Variants in RAPGEF3 observed in about 807,000 individuals in gnomAD.
RAPGEF3 encodes Rap guanine nucleotide exchange factor 3.
In RAPGEF3, 103 loss-of-function variants were observed where a neutral mutation model predicts 129.8. The observed-to-expected ratio is 0.79, with a 90% CI of 0.68 to 0.93. RAPGEF3 has a LOEUF of 0.93. RAPGEF3 is among the 40% of genes least tolerant of loss of function. The probability of loss-of-function intolerance (pLI) is 0.00; values close to 1 mark genes in which losing one functional copy is unlikely to be tolerated. For missense variants in RAPGEF3, 1,117 were observed against 1,207.4 expected, an observed-to-expected ratio of 0.93 and a Z score of 1.11; for synonymous variants, 436 against 482.6, an observed-to-expected ratio of 0.90 and a Z score of 1.26.
In RAPGEF3 at chr12:47,736,344, T is replaced by C. The variant is rs895730748; in HGVS notation, c.*1223A>G. 1.3e-5 allele frequency: 2 copies of C among 152,214 alleles called. No homozygotes were observed. Among genetic ancestry groups the C allele is most frequent in the Non-Finnish European group, 2.9e-5 (2 of 68,050 alleles). The allele number at this position is 152,214 out of a possible 1,614,324, so 9.4% of individuals were successfully genotyped here. ...CCCAAGGCCCTGCAGCCTCAATACC[T>C]ACTCAGGAGTCATGCCAGGGGCCAT... On this transcript the variant is annotated 3_prime_UTR_variant, in exon 28 of 28. Coordinates refer to ENST00000449771, the MANE Select transcript of RAPGEF3 (RefSeq NM_001098531.4).
In RAPGEF3 at chr12:47,747,646, A is replaced by G; in HGVS notation, c.1474-20T>C. ...GAGTTTCTAAGAAGAGCCAAGATTC[A>G]CTGAGATGGCTGTAGCTGCATCCAC... On this transcript the variant is annotated intron_variant, in intron 14 of 27. Transcript: ENST00000449771. 1 of 1,613,448 alleles carries G rather than the reference A, an allele frequency of 6.2e-7. No homozygotes were observed. Among genetic ancestry groups the G allele is most frequent in the South Asian group, 1.1e-5 (1 of 91,082 alleles).
In RAPGEF3 at chr12:47,751,773, G is replaced by T. The variant is rs1347070666; in HGVS notation, c.330C>A (p.Ala110=). 1 of 1,613,852 alleles carries T rather than the reference G, an allele frequency of 6.2e-7. No individual in the cohort carries two copies. The highest frequency in any genetic ancestry group is 1.3e-5 in the African/African-American group (1 of 74,928). The change falls in exon 4 of 28, where the codon GCC becomes GCA. Residue 110 remains alanine (A), a synonymous_variant. Coordinates refer to ENST00000449771, the MANE Select transcript of RAPGEF3 (RefSeq NM_001098531.4). The stretch of plus-strand genomic sequence containing the variant: ...GGTCTCGGATGAGGTTTGGGCAGGT[G>T]GCCAGCAGATGCCGATGCAGCTGCC... The part of the protein sequence containing the change: ...AGRQLHRHLL[A]TCPNLIRDRK...
At chr12:47,737,974 T>C in intron 27 of RAPGEF3, 48 bp downstream of exon 27, 2 of 1,552,824 alleles carry the variant, frequency 1.3e-6, no homozygotes, top group Non-Finnish European at 1.8e-6. Context: ...CATGGGTAAC[T>C]ACCATAAGCA....
Position 47,740,627 on chromosome 12 carries a change from T to G in RAPGEF3, c.2231+15A>C. On this transcript the variant is annotated intron_variant, in intron 21 of 27. Coordinates refer to ENST00000449771, the MANE Select transcript of RAPGEF3 (RefSeq NM_001098531.4). Reference sequence around the variant, plus strand: ...GGGACTCTGGCCACGCCCTACCCACTGGACAGGGACTCACTGGGCCGCCAG... The same window carrying G: ...GGGACTCTGGCCACGCCCTACCCACGGGACAGGGACTCACTGGGCCGCCAG... The G allele has an allele frequency of 6.2e-7, 1 of 1,612,856 alleles. No homozygotes were observed.
At position 47,751,111 on chromosome 12, in the gene RAPGEF3, T is replaced by C. The variant is rs1452881835; in HGVS notation, c.608A>G (p.Glu203Gly). 2 of 1,582,310 alleles carry C rather than the reference T, an allele frequency of 1.3e-6. No individual in the cohort carries two copies. The highest frequency in any genetic ancestry group is 3.7e-5 in the Admixed American group (2 of 54,180). Residue 203 changes from glutamate to glycine, a missense_variant, in exon 6 of 28, where the codon GAA becomes GGA. By Grantham distance (98) the Glu-to-Gly change is moderately conservative. This residue lies in a region of RAPGEF3 where 367 missense variants were observed against 373.4 expected (regional missense o/e 0.98). Coordinates refer to ENST00000449771, the MANE Select transcript of RAPGEF3 (RefSeq NM_001098531.4). ...CCGCTGGGAGAGCAGGGCCACAGCT[T>C]CGGCCAACTCCTCCTCCATCTCATG... Reference protein sequence around the residue: ...RTHEMEEELAEAVALLSQRGP... With the variant: ...RTHEMEEELAGAVALLSQRGP...
intron 18 of RAPGEF3, 153 bp from the exon 19 acceptor site, chr12:47,741,755 G>A: frequency 1.6e-6 from 1 of 644,124 alleles, no homozygotes; most frequent in Non-Finnish European, 2.8e-6. Flanking sequence ...ATACACAGGT[G>A]CATGTGCCCA....
chr12:47,749,770 C>G lies in RAPGEF3; in HGVS notation c.865G>C (p.Gly289Arg). Residue 289 changes from glycine (G) to arginine (R), a missense_variant, in exon 9 of 28, where the codon GGA becomes CGA. By Grantham distance (125) the Gly-to-Arg change is moderately radical. Transcript: ENST00000449771. This position sits in a 1 kb window ranked among gnomAD's most constrained non-coding sequence, Gnocchi z 4.5. ...CCATGGGTCACCACGTTGACAGATC[C>G]CTTCCAGATAATGTACCACGAAGTG... ...KGTSWYIIWK[G>R]SVNVVTHGKG... 1 of 1,614,174 alleles carries G rather than the reference C, an allele frequency of 6.2e-7. No homozygotes were observed. The highest frequency in any genetic ancestry group is 1.1e-5 in the South Asian group (1 of 91,074).
intron 24 of RAPGEF3, 89 bp downstream of exon 24, chr12:47,739,054 T>A: frequency 1.8e-6 from 2 of 1,132,214 alleles, no homozygotes; most frequent in Non-Finnish European, 2.6e-6. Flanking sequence ...CAGATAGGCA[T>A]GGGATGGGGG....
chr12:47,749,601 C>A lies in RAPGEF3; in HGVS notation c.895-65G>T. ...CTGCCGCCCCCAGCTCTTGCCAGGA[C>A]AGACCCACGGCAGGAGAACAACCCA... On this transcript the variant is annotated intron_variant, in intron 9 of 27. Transcript: ENST00000449771. This position sits in a 1 kb window ranked among gnomAD's most constrained non-coding sequence, Gnocchi z 4.5. The A allele has an allele frequency of 6.4e-7, 1 of 1,558,248 alleles. No homozygotes were observed. The highest frequency in any genetic ancestry group is 8.7e-7 in the Non-Finnish European group (1 of 1,153,348).
intron 2 of RAPGEF3, 133 bp from the exon 3 acceptor site, chr12:47,752,102 A>C (rs554674092): frequency 2.1e-6 from 2 of 930,870 alleles, no homozygotes; most frequent in East Asian, 2.6e-5. Flanking sequence ...CCACTCCTTC[A>C]GCAAATAAAC....
In RAPGEF3 at chr12:47,738,079, G is replaced by A. The variant is rs1565746702; in HGVS notation, c.2596C>T (p.Leu866Phe). 6.2e-7 allele frequency: 1 copy of A among 1,614,144 alleles called. No homozygotes were observed. The highest frequency in any genetic ancestry group is 1.7e-5 in the Admixed American group (1 of 60,034). Reference protein sequence around the residue: ...RSHNPVPLSPLRSRVSHLHED... With the variant: ...RSHNPVPLSPFRSRVSHLHED... ...TGGAGGTGGGAAACTCGGCTTCTGA[G>A]TGGTGAGAGAGGCACTGCGGGGGTG... is the stretch of plus-strand genomic sequence containing the variant. The change falls in exon 27 of 28, where the codon CTC becomes TTC. Residue 866 changes from leucine to phenylalanine, a missense_variant. By Grantham distance (22) the Leu-to-Phe change is conservative (BLOSUM62 0). This residue lies in a region of RAPGEF3 where 643 missense variants were observed against 673.4 expected (regional missense o/e 0.95). Transcript: ENST00000449771.
chr12:47,752,053 A>T, intron 2 of RAPGEF3, 84 bp from the exon 3 acceptor site: 1 of 1,458,192 alleles, frequency 6.9e-7, no homozygotes, highest in South Asian at 1.2e-5. Flanking sequence ...CATCACTCCC[A>T]CTCTTGCCTA....
intron 2 of RAPGEF3, chr12:47,752,902 T>G (rs1182992050): frequency 6.6e-6 from 1 of 152,194 alleles, no homozygotes; most frequent in Non-Finnish European, 1.5e-5. Flanking sequence ...AAGGATTCCC[T>G]GCCCTTGGTA....
Position 47,749,391 on chromosome 12 carries a change from T to TA in RAPGEF3, c.1039_1040insT (p.Lys347IlefsTer66). 6.2e-7 allele frequency: 1 copy of TA among 1,612,116 alleles called. No homozygotes were observed. Among genetic ancestry groups the TA allele is most frequent in the South Asian group, 1.1e-5 (1 of 91,082 alleles). ...CCTCCCCAACCCCAGCAGCAGCACC[T>TA]TGATGATACGGTTGAAGTCCTGCTT... On this transcript the variant is annotated frameshift_variant and splice_region_variant, in exon 10 of 28. Coordinates refer to ENST00000449771, the MANE Select transcript of RAPGEF3 (RefSeq NM_001098531.4). LOFTEE classifies it high-confidence loss of function. The surrounding 1 kb of genome is among the most constrained non-coding windows in gnomAD (Gnocchi z 4.5).
chr12:47,748,645 C>A, intron 11 of RAPGEF3, 103 bp from the exon 12 acceptor site: 1 of 1,133,096 alleles, frequency 8.8e-7, no homozygotes, highest in Admixed American at 1.9e-5. Flanking sequence ...CATTAGCCAG[C>A]CCTGTCCCAC....
At chr12:47,752,216 C>T (rs1177277468) in intron 2 of RAPGEF3, among the ~76,000 whole-genome samples, 1 of 152,236 alleles carries the variant, frequency 6.6e-6, no homozygotes, top group Non-Finnish European at 1.5e-5. Context: ...GTTGAGAGCC[C>T]TAAGACACCC....
chr12:47,747,771 A>C lies in RAPGEF3; in HGVS notation c.1414T>G (p.Trp472Gly). Residue 472 changes from tryptophan to glycine, a missense_variant, in exon 14 of 28, where the codon TGG becomes GGG. Transcript: ENST00000449771. ...AGCATGGAGCCATACAGGGCCACCCACTGGCTGACCAGCCGCAAGATCTGC... is the reference window on the plus strand; with the variant it reads ...AGCATGGAGCCATACAGGGCCACCCCCTGGCTGACCAGCCGCAAGATCTGC... ...RQQILRLVSQ[W>G]VALYGSMLHT... 4 of 1,608,764 alleles carry C rather than the reference A, an allele frequency of 2.5e-6. No homozygotes were observed. Among genetic ancestry groups the C allele is most frequent in the Non-Finnish European group, 3.4e-6 (4 of 1,179,972 alleles).
intron 23 of RAPGEF3, 36 bp downstream of exon 23, chr12:47,740,105 C>T (rs1228142933): frequency 3.7e-6 from 6 of 1,602,628 alleles, no homozygotes; most frequent in East Asian, 2.2e-5. Context: ...CCAGCTGATC[C>T]TAGCAGAGCC....
intron 2 of RAPGEF3, among the ~76,000 whole-genome samples, chr12:47,755,476 T>C (rs113888086): frequency 6.6e-5 from 10 of 152,300 alleles, no homozygotes; most frequent in South Asian, 4.1e-4. Flanking sequence ...AAGAGAATCA[T>C]CTCAGACTTC....
Sources: allele counts gnomAD v4.1 joint callset (sites outside exome capture counted in the v4.1 genomes callset), GRCh38; gene constraint gnomAD v4.1.1; regional missense constraint gnomAD v4.1.1; non-coding constraint Gnocchi (gnomAD v3.1); transcripts MANE v1.5; gene names NCBI Gene and HGNC (gene_info 2026-07-23, HGNC 2026-07-21).